Variants in VAV1 observed in about 807,000 individuals in gnomAD.
The protein encoded by VAV1 is proto-oncogene vav.
In VAV1, 33 loss-of-function variants were observed where a neutral mutation model predicts 128.1. The observed-to-expected ratio is 0.26, with a 90% CI of 0.20 to 0.34. The LOEUF (loss-of-function observed/expected upper bound fraction) is 0.34. Among genes scored for constraint, VAV1 ranks in the 10% least tolerant of loss-of-function variants. The pLI is 1.00. For missense variants in VAV1, 715 were observed against 1,093.7 expected (o/e 0.65, Z 4.88); for synonymous variants, 394 against 409.8 (o/e 0.96, Z 0.47).
rs1453178980 is a variant in VAV1 at position 6,828,850 on chromosome 19, C to G, written c.1215C>G (p.Ile405Met). Residue 405 changes from isoleucine (I) to methionine (M), a missense_variant, in exon 13 of 27, where the codon ATC becomes ATG. Physicochemically the swap from Ile to Met is conservative, Grantham distance 10. Coordinates refer to ENST00000602142, the MANE Select transcript of VAV1 (RefSeq NM_005428.4). This position sits in a 1 kb window ranked among gnomAD's most constrained non-coding sequence, Gnocchi z 4.5. The stretch of plus-strand genomic sequence containing the variant: ...TGGCTCACTATGGCCGGCCCAAGAT[C>G]GACGGGGAACTCAAGATCACCTCGG... ...QSLAHYGRPK[I>M]DGELKITSVE... 3 of 1,613,992 alleles carry G rather than the reference C, an allele frequency of 1.9e-6. No individual in the cohort carries two copies. The highest frequency in any genetic ancestry group is 2.5e-6 in the Non-Finnish European group (3 of 1,180,030).
chr19:6,825,042 C>G lies in VAV1; in HGVS notation c.655-11C>G. ...CTTATCTTCCGTCATCTTTCTCTCC[C>G]TTCCCCGCAGCATTTCTTGAAGCCC... On this transcript the variant is annotated splice_polypyrimidine_tract_variant and intron_variant, in intron 6 of 26. Coordinates refer to ENST00000602142, the MANE Select transcript of VAV1 (RefSeq NM_005428.4). 1 of 1,613,976 alleles carries G rather than the reference C, an allele frequency of 6.2e-7. No individual in the cohort carries two copies. Among genetic ancestry groups the G allele is most frequent in the Non-Finnish European group, 8.5e-7 (1 of 1,179,970 alleles).
At chr19:6,832,848 G>A (rs934619754) in intron 15 of VAV1, among the ~76,000 whole-genome samples, 9 of 152,120 alleles carry the variant, frequency 5.9e-5, no homozygotes, top group Non-Finnish European at 1.0e-4. Context: ...ATGATCGCAT[G>A]GCATTTTGTA....
At chr19:6,813,993 A>C (rs1488655837) in intron 1 of VAV1, among the ~76,000 whole-genome samples, 2 of 152,148 alleles carry the variant, frequency 1.3e-5, no homozygotes, top group Admixed American at 1.3e-4. Context: ...CCAAGAGGTC[A>C]AGGTTACAGT....
At chr19:6,855,186 A>C (rs1599687714) in intron 26 of VAV1, among the ~76,000 whole-genome samples, 1 of 152,226 alleles carries the variant, frequency 6.6e-6, no homozygotes, top group East Asian at 1.9e-4. Context: ...ATGTTTGTGT[A>C]ATGAAGACAA....
chr19:6,851,753 C>T (rs1230484014), intron 24 of VAV1, among the ~76,000 whole-genome samples: 1 of 152,130 alleles, frequency 6.6e-6, no homozygotes, highest in East Asian at 1.9e-4. Flanking sequence ...GGTTTTTACC[C>T]ATGGTCTGTG....
intron 1 of VAV1, among the ~76,000 whole-genome samples, chr19:6,783,470 C>CT (rs61101390): frequency 0.079 from 8,995 of 113,670 alleles, 789 homozygotes; most frequent in African/African-American, 0.2. Context: ...CACCTCCATC[C>CT]TTTTTTTTTT....
chr19:6,834,733 A>G, intron 19 of VAV1, among the ~76,000 whole-genome samples: 1 of 147,914 alleles, frequency 6.8e-6, no homozygotes, highest in African/African-American at 2.5e-5. Context: ...TTATTTTTAG[A>G]GGCAGGGTCT....
intron 1 of VAV1, among the ~76,000 whole-genome samples, chr19:6,782,329 AAAAT>A (rs146389730): frequency 0.21 from 32,137 of 150,124 alleles, 3,568 homozygotes; most frequent in African/African-American, 0.25. Flanking sequence ...GACTCCATCT[AAAAT>A]AAATAAATAA....
At chr19:6,792,640 G>A (rs1207823087) in intron 1 of VAV1, among the ~76,000 whole-genome samples, 4 of 151,952 alleles carry the variant, frequency 2.6e-5, no homozygotes, top group African/African-American at 9.7e-5. Flanking sequence ...TTGACATCCT[G>A]GGCTCAGGTG....
In VAV1 at chr19:6,832,011, A is replaced by G. The variant is rs1327243730; in HGVS notation, c.1399-80A>G. 2.5e-6 allele frequency: 3 copies of G among 1,209,722 alleles called. No individual in the cohort carries two copies. In the African/African-American group the frequency reaches 4.5e-5, roughly 18 times the overall value. The allele number at this position is 1,209,722 out of a possible 1,614,324, so 74.9% of individuals were successfully genotyped here. ...ACTGTCATGGGCTTGCCTGTTCCCT[A>G]CAGAGGGAGGGGTGGGTGGGTGTGT... On this transcript the variant is annotated intron_variant, in intron 14 of 26. Transcript: ENST00000602142.
rs1224542100 is a variant in VAV1 at position 6,843,184 on chromosome 19, T to G, written c.2012+18T>G. 12 of 1,614,070 alleles carry G rather than the reference T, an allele frequency of 7.4e-6. No individual in the cohort carries two copies. Among genetic ancestry groups the G allele is most frequent in the Non-Finnish European group, 1.0e-5 (12 of 1,179,978 alleles). On this transcript the variant is annotated intron_variant, in intron 22 of 26. Coordinates refer to ENST00000602142, the MANE Select transcript of VAV1 (RefSeq NM_005428.4). ...CATCTCTGGTGAGTAGAAACATTTA[T>G]TTTTGTTTCAATGAGAGGTTTCTGG...
chr19:6,821,017 C>T (rs533546002), intron 2 of VAV1, among the ~76,000 whole-genome samples, 199 bp downstream of exon 2: 2 of 152,304 alleles, frequency 1.3e-5, no homozygotes, highest in East Asian at 1.9e-4. Context: ...ACCTTGGATA[C>T]GTGGCTGTGC....
chr19:6,829,131 T>TG (rs1229209604), intron 13 of VAV1, among the ~76,000 whole-genome samples: 2 of 137,228 alleles, frequency 1.5e-5, no homozygotes, highest in African/African-American at 2.8e-5. Context: ...AACACAGATC[T>TG]GGGAGGAGCC....
At chr19:6,814,674 T>TCCTTCCTTTCTCTCTCTCTCTCTCTCTC (rs1568299208) in intron 1 of VAV1, among the ~76,000 whole-genome samples, 8 of 95,234 alleles carry the variant, frequency 8.4e-5, no homozygotes, top group African/African-American at 4.4e-4. Context: ...CTTCCTTCCT[T>TCCTTCCTTTCTCTCTCTCTCTCTCTCTC]TCTTTCTTTC....
intron 1 of VAV1, among the ~76,000 whole-genome samples, chr19:6,781,079 T>C (rs551485976): frequency 1.3e-5 from 2 of 151,762 alleles, no homozygotes; most frequent in South Asian, 2.1e-4. Flanking sequence ...CACCATTTTT[T>C]AAAGTAGAGA....
intron 26 of VAV1, among the ~76,000 whole-genome samples, chr19:6,855,740 C>T (rs372268635): frequency 3.9e-5 from 6 of 152,140 alleles, no homozygotes; most frequent in East Asian, 1.9e-4. Flanking sequence ...TCCATCCATC[C>T]GACCACCATC....
chr19:6,847,906 A>T, intron 22 of VAV1, 92 bp from the exon 23 acceptor site: 1 of 1,188,854 alleles, frequency 8.4e-7, no homozygotes. Flanking sequence ...AAAAAATCAA[A>T]GGGGTTCAGG....
rs1217714681 is a variant in VAV1, at chr19:6,777,071, A to G, written c.204+4060A>G. Among the ~76,000 whole-genome samples the G allele has an allele frequency of 1.3e-5, 2 of 149,048 alleles. No homozygotes were observed. The highest frequency in any genetic ancestry group is 6.7e-5 in the Admixed American group (1 of 14,952). On this transcript the variant is annotated intron_variant, in intron 1 of 26. Coordinates refer to ENST00000602142, the MANE Select transcript of VAV1 (RefSeq NM_005428.4). The surrounding 1 kb of genome is among the most constrained non-coding windows in gnomAD (Gnocchi z 4.4). ...GCCCGGCCCATCCATTCATCTATCT[A>G]TCATCCACCTGCCCACCCACCCATC...
At chr19:6,846,395 T>C (rs919076722) in intron 22 of VAV1, among the ~76,000 whole-genome samples, 32 of 151,028 alleles carry the variant, frequency 2.1e-4, no homozygotes, top group African/African-American at 7.3e-4. Context: ...GAGACCAGTT[T>C]GGCCTACATG....
Sources: gnomAD v4.1 joint callset for allele counts (sites outside exome capture counted in the v4.1 genomes callset) on GRCh38, gnomAD v4.1.1 for gene constraint, Gnocchi (gnomAD v3.1) non-coding constraint, MANE v1.5 for transcripts, NCBI Gene and HGNC (gene_info 2026-07-23, HGNC 2026-07-21) for gene names.